The following ADRA1B variants were observed in gnomAD, a reference collection of about 807,000 sequenced individuals.
The protein encoded by ADRA1B is adrenoceptor alpha 1B, also known as alpha-1B adrenergic receptor.
ADRA1B carries 17 observed loss-of-function variants against 17.9 expected under a neutral mutation model. That is an observed-to-expected ratio of 0.95 (90% confidence interval 0.65 to 1.42). ADRA1B has a LOEUF of 1.42. ADRA1B is among the 40% of genes most tolerant of loss of function. ADRA1B has a pLI of 0.00. For missense variants in ADRA1B, 681 were observed against 722.1 expected (o/e 0.94, Z 0.65); for synonymous variants, 366 against 327.6 (o/e 1.12, Z -1.27).
At chr5:159,869,310 A>C (rs1753706111) in intron 1 of ADRA1B, 1 of 152,188 alleles carries the variant, frequency 6.6e-6, no homozygotes, top group Admixed American at 6.5e-5. Flanking sequence ...GTTTGGCCAG[A>C]ATCTGGAGAT....
chr5:159,968,351 A>G (rs1204696642), intron 1 of ADRA1B, among the ~76,000 whole-genome samples: 2 of 152,232 alleles, frequency 1.3e-5, no homozygotes, highest in Non-Finnish European at 2.9e-5. Context: ...AGCTATTAGC[A>G]TTATTGATAT....
intron 1 of ADRA1B, chr5:159,947,922 T>C: frequency 1.0e-6 from 1 of 985,462 alleles, no homozygotes; most frequent in Non-Finnish European, 1.2e-6. Flanking sequence ...TCTCTGGCTT[T>C]CTGCAAGCTC....
At chr5:159,941,551 T>A (rs987894367) in intron 1 of ADRA1B, among the ~76,000 whole-genome samples, 1 of 152,192 alleles carries the variant, frequency 6.6e-6, no homozygotes, top group Admixed American at 6.5e-5. Context: ...ATTGGAAACA[T>A]GTCCTCACAC....
chr5:159,875,148 G>A (rs1266153903), intron 1 of ADRA1B, among the ~76,000 whole-genome samples: 1 of 152,130 alleles, frequency 6.6e-6, no homozygotes, highest in Non-Finnish European at 1.5e-5. Flanking sequence ...GGGGGCTTTG[G>A]TAACATAATT....
chr5:159,885,495 TAG>T (rs1320006731), intron 1 of ADRA1B, among the ~76,000 whole-genome samples: 1 of 152,212 alleles, frequency 6.6e-6, no homozygotes. Context: ...TCATTTCAAA[TAG>T]AGAGTCTCAG....
At chr5:159,892,925 AGTT>A (rs1422929266) in intron 1 of ADRA1B, among the ~76,000 whole-genome samples, 1 of 152,168 alleles carries the variant, frequency 6.6e-6, no homozygotes, top group Non-Finnish European at 1.5e-5. Flanking sequence ...CTTGCACAAT[AGTT>A]GAACTAATTT....
At chr5:159,971,235 G>T (rs983691457) in intron 1 of ADRA1B, among the ~76,000 whole-genome samples, 5 of 151,978 alleles carry the variant, frequency 3.3e-5, no homozygotes, top group African/African-American at 1.2e-4. Context: ...ACTTTTTCTT[G>T]CTGATTTGTA....
chr5:159,879,016 G>A (rs924022414), intron 1 of ADRA1B, among the ~76,000 whole-genome samples: 13 of 151,992 alleles, frequency 8.6e-5, no homozygotes, highest in Admixed American at 8.5e-4. Flanking sequence ...CCCGGCCCTG[G>A]GTGAGGCAGG....
At chr5:159,897,961 C>T (rs1374189015) in intron 1 of ADRA1B, among the ~76,000 whole-genome samples, 1 of 152,222 alleles carries the variant, frequency 6.6e-6, no homozygotes, top group East Asian at 1.9e-4. Flanking sequence ...GGGCTCGGGG[C>T]TGGCACAGCT....
At position 159,917,620 on chromosome 5, in the gene ADRA1B, G is replaced by A. The variant is rs1376423164; in HGVS notation, c.715G>A (p.Ala239Thr). 2 of 1,613,858 alleles carry A rather than the reference G, an allele frequency of 1.2e-6. No homozygotes were observed. Among genetic ancestry groups the A allele is most frequent in the African/African-American group, 1.3e-5 (1 of 74,804 alleles). Residue 239 changes from alanine (A) to threonine (T), a missense_variant, in exon 1 of 2, where the codon GCA (alanine) becomes ACA (threonine). Ala to Thr is a moderately conservative substitution (Grantham distance 58). This residue lies in a region of ADRA1B where 424 missense variants were observed against 480.2 expected (regional missense o/e 0.88). Transcript: ENST00000306675. Reference protein sequence around the residue: ...VAKRTTKNLEAGVMKEMSNSK... With the variant: ...VAKRTTKNLETGVMKEMSNSK... ...CAAGAGAACCACCAAGAACCTAGAGGCAGGAGTCATGAAGGAGATGTCCAA... is the reference window on the plus strand; with the variant it reads ...CAAGAGAACCACCAAGAACCTAGAGACAGGAGTCATGAAGGAGATGTCCAA...
the ADRA1B span, among the ~76,000 whole-genome samples, chr5:159,987,274 C>G: frequency 1.3e-5 from 2 of 152,244 alleles, no homozygotes; most frequent in Admixed American, 6.5e-5. Context: ...GCCAGGAGCT[C>G]CGATCCTCCT....
chr5:159,960,705 T>C (rs1245139177), intron 1 of ADRA1B, among the ~76,000 whole-genome samples: 2 of 128,842 alleles, frequency 1.6e-5, no homozygotes, highest in African/African-American at 6.4e-5. Flanking sequence ...AGACCCCAGC[T>C]CTTAAAAAAA....
At chr5:159,979,323 G>A in the ADRA1B span, among the ~76,000 whole-genome samples, 1 of 152,190 alleles carries the variant, frequency 6.6e-6, no homozygotes, top group Non-Finnish European at 1.5e-5. Flanking sequence ...CCTATCCTCT[G>A]AGAGGGTCAG....
intron 1 of ADRA1B, among the ~76,000 whole-genome samples, chr5:159,872,734 C>T (rs1183907004): frequency 1.3e-5 from 2 of 152,074 alleles, no homozygotes; most frequent in Non-Finnish European, 2.9e-5. Context: ...GCTCTGAAAT[C>T]TGCAATAAAA....
intron 1 of ADRA1B, chr5:159,937,670 G>A (rs6556463): frequency 0.045 from 6,886 of 152,132 alleles, 295 homozygotes; most frequent in East Asian, 0.21. Flanking sequence ...AGCTAGTCTC[G>A]AACTCCTGAC....
chr5:159,879,770 C>T (rs756314372), intron 1 of ADRA1B, among the ~76,000 whole-genome samples: 4 of 152,020 alleles, frequency 2.6e-5, no homozygotes, highest in Non-Finnish European at 5.9e-5. Context: ...CCGAGGCGGG[C>T]GGATCACTTG....
chr5:159,939,146 T>C (rs1357892718), intron 1 of ADRA1B, among the ~76,000 whole-genome samples: 2 of 152,074 alleles, frequency 1.3e-5, no homozygotes, highest in Non-Finnish European at 2.9e-5. Flanking sequence ...CCAGTCTTCT[T>C]CCACTGTGAT....
chr5:159,947,558 T>C (rs1755310858), intron 1 of ADRA1B: 1 of 259,818 alleles, frequency 3.8e-6, no homozygotes, highest in Admixed American at 6.5e-5. Context: ...TACTTGGTTG[T>C]TGCAATAAGC....
At position 159,972,160 on chromosome 5, in the gene ADRA1B, G is replaced by T; in HGVS notation, c.1231G>T (p.Gly411Cys). 7.3e-7 allele frequency: 1 copy of T among 1,363,228 alleles called. No homozygotes were observed. Among genetic ancestry groups the T allele is most frequent in the Non-Finnish European group, 9.5e-7 (1 of 1,049,344 alleles). 84.4% of individuals were successfully genotyped at this position (1,363,228 alleles called of 1,614,324 possible). The change falls in exon 2 of 2, where the codon GGC (glycine) becomes TGC (cysteine). Residue 411 changes from glycine to cysteine, a missense_variant. Physicochemically the swap from Gly to Cys is radical, Grantham distance 159. Coordinates refer to ENST00000306675, the MANE Select transcript of ADRA1B (RefSeq NM_000679.4). ...GCGCAAGGACTCGCTGGACGACAGCGGCAGCTGCCTGAGCGGCAGCCAGCG... is the reference window on the plus strand; with the variant it reads ...GCGCAAGGACTCGCTGGACGACAGCTGCAGCTGCCTGAGCGGCAGCCAGCG... ...QSRKDSLDDS[G>C]SCLSGSQRTL...
Sources: allele counts gnomAD v4.1 joint callset (sites outside exome capture counted in the v4.1 genomes callset), GRCh38; gene constraint gnomAD v4.1.1; regional missense constraint gnomAD v4.1.1; transcripts MANE v1.5; gene names NCBI Gene and HGNC (gene_info 2026-07-23, HGNC 2026-07-21).